The following STIM1 variants were observed in gnomAD, a reference collection of about 807,000 sequenced individuals.
STIM1 encodes stromal interaction molecule 1.
STIM1 carries 25 observed loss-of-function variants against 74.7 expected under a neutral mutation model. The ratio of observed to expected loss-of-function variants is 0.33; its 90% CI spans 0.24 to 0.47. The LOEUF is 0.47. Ranked by LOEUF, STIM1 falls within the 20% of genes least tolerant of loss-of-function variation. The probability of loss-of-function intolerance (pLI) is 1.00; values close to 1 mark genes in which losing one functional copy is unlikely to be tolerated. For missense variants in STIM1, 728 were observed against 920.8 expected (o/e 0.79, Z 2.71); for synonymous variants, 328 against 348.8 (o/e 0.94, Z 0.66).
chr11:3,857,748 G>A (rs7945554), intron 1 of STIM1, among the ~76,000 whole-genome samples: 56,501 of 151,870 alleles, frequency 0.37, 10,653 homozygotes, highest in African/African-American at 0.44. Context: ...ATAGGTCATG[G>A]TGGCTGGGGA....
chr11:3,942,140 G>C (rs2093018640), intron 1 of STIM1, among the ~76,000 whole-genome samples: 1 of 152,156 alleles, frequency 6.6e-6, no homozygotes, highest in South Asian at 2.1e-4. Flanking sequence ...TTTGAAGGTA[G>C]GGTAGAATTT....
chr11:4,044,426 A>C (rs2094174356), intron 3 of STIM1, among the ~76,000 whole-genome samples: 1 of 152,120 alleles, frequency 6.6e-6, no homozygotes, highest in Non-Finnish European at 1.5e-5. Context: ...TTTAACTTTT[A>C]GGTGCTTGAA....
At chr11:4,077,821 C>T (rs11030842) in intron 7 of STIM1, among the ~76,000 whole-genome samples, 53,254 of 152,056 alleles carry the variant, frequency 0.35, 11,321 homozygotes, top group Non-Finnish European at 0.46. Context: ...CCAGTGGGTT[C>T]CTACTCTCAG....
intron 1 of STIM1, among the ~76,000 whole-genome samples, chr11:3,913,303 TC>T: frequency 6.6e-6 from 1 of 151,574 alleles, no homozygotes; most frequent in Non-Finnish European, 1.5e-5. Flanking sequence ...TCCTCCTACC[TC>T]AGCCTCCTGA....
At chr11:4,089,015 T>G in intron 12 of STIM1, 1 of 365,798 alleles carries the variant, frequency 2.7e-6, no homozygotes, top group South Asian at 2.7e-5. Context: ...GAGGACTGCT[T>G]AAGCCCAGGA....
At chr11:3,956,263 G>A (rs2093211402) in intron 1 of STIM1, among the ~76,000 whole-genome samples, 1 of 152,112 alleles carries the variant, frequency 6.6e-6, no homozygotes, top group Non-Finnish European at 1.5e-5. Context: ...ATCTCCTCTG[G>A]GAGAGGCATG....
intron 3 of STIM1, among the ~76,000 whole-genome samples, chr11:4,028,661 C>T (rs1474168775): frequency 3.3e-5 from 5 of 151,976 alleles, no homozygotes; most frequent in East Asian, 1.9e-4. Context: ...CCGCCTGCCT[C>T]GGCCTTCCAA....
intron 2 of STIM1, among the ~76,000 whole-genome samples, chr11:4,015,835 G>A (rs184904961): frequency 4.6e-5 from 7 of 151,942 alleles, no homozygotes; most frequent in African/African-American, 1.7e-4. Context: ...TGATCAAATC[G>A]GCTATTGAAG....
At chr11:3,959,297 GAC>G (rs2093258022) in intron 1 of STIM1, among the ~76,000 whole-genome samples, 1 of 152,230 alleles carries the variant, frequency 6.6e-6, no homozygotes, top group Non-Finnish European at 1.5e-5. Flanking sequence ...ACTGTTTAGT[GAC>G]GAGAAACAGA....
rs2094475655 is a variant in STIM1, at chr11:4,083,424, A to G, written c.1400A>G (p.Asn467Ser). The change falls in exon 10 of 13, where the codon AAC becomes AGC. Residue 467 changes from asparagine to serine, a missense_variant. Asn to Ser is a conservative substitution (Grantham distance 46). Coordinates refer to ENST00000526596, the MANE Select transcript of STIM1 (RefSeq NM_001382567.1). ...AGCTGGATGGGCAGTACACGCCCCA[A>G]CCCTGCTCACTTCATCATGACTGAC... is the stretch of plus-strand genomic sequence containing the variant. ...DPSWMGSTRP[N>S]PAHFIMTDDV... 1.9e-6 allele frequency: 3 copies of G among 1,614,188 alleles called. No individual in the cohort carries two copies. The highest frequency in any genetic ancestry group is 1.7e-6 in the Non-Finnish European group (2 of 1,180,032).
In STIM1 at chr11:4,091,826, G is replaced by C; in HGVS notation, c.*28G>C. ...AGGATGGGGTGGCAGTAAAGGGACA[G>C]CTTGTCCTTCCCTGGGTGTTCTGTC... On this transcript the variant is annotated 3_prime_UTR_variant, in exon 13 of 13. Coordinates refer to ENST00000526596, the MANE Select transcript of STIM1 (RefSeq NM_001382567.1). 6.3e-7 allele frequency: 1 copy of C among 1,599,758 alleles called. No individual in the cohort carries two copies. Among genetic ancestry groups the C allele is most frequent in the Non-Finnish European group, 8.5e-7 (1 of 1,179,894 alleles).
At chr11:3,940,386 G>C (rs186720929) in intron 1 of STIM1, among the ~76,000 whole-genome samples, 1 of 152,224 alleles carries the variant, frequency 6.6e-6, no homozygotes, top group Non-Finnish European at 1.5e-5. Context: ...ATATTTAAAT[G>C]TGGGGAATAG....
chr11:3,897,396 G>T (rs1301985251), intron 1 of STIM1, among the ~76,000 whole-genome samples: 1 of 152,198 alleles, frequency 6.6e-6, no homozygotes, highest in Non-Finnish European at 1.5e-5. Context: ...TGTAATTTTA[G>T]TAGTCCAGGT....
chr11:4,053,712 C>G (rs1434495625), intron 3 of STIM1, among the ~76,000 whole-genome samples: 1 of 151,688 alleles, frequency 6.6e-6, no homozygotes, highest in Non-Finnish European at 1.5e-5. Context: ...CACATGTACC[C>G]TAGAACTTAA....
At chr11:3,903,398 T>C (rs1293354349) in intron 1 of STIM1, 1 of 152,138 alleles carries the variant, frequency 6.6e-6, no homozygotes. Context: ...AGCCACAGGG[T>C]GTTGTAGCAA....
chr11:3,990,984 A>C (rs2093605249), intron 2 of STIM1, among the ~76,000 whole-genome samples: 1 of 152,014 alleles, frequency 6.6e-6, no homozygotes, highest in Non-Finnish European at 1.5e-5. Context: ...TGGAGATCCC[A>C]GTATCTATTG....
intron 1 of STIM1, among the ~76,000 whole-genome samples, chr11:3,915,737 T>C (rs947125849): frequency 3.3e-5 from 5 of 152,080 alleles, no homozygotes; most frequent in Non-Finnish European, 7.4e-5. Flanking sequence ...TCTTTTGTTG[T>C]TGTTGTTTGT....
At chr11:4,013,705 T>C (rs1465645385) in intron 2 of STIM1, among the ~76,000 whole-genome samples, 2 of 126,274 alleles carry the variant, frequency 1.6e-5, no homozygotes, top group East Asian at 2.2e-4. Flanking sequence ...TTTTTTTTTT[T>C]TTTTTTTTTT....
chr11:3,995,324 A>C (rs1171528258), intron 2 of STIM1, among the ~76,000 whole-genome samples: 1 of 151,862 alleles, frequency 6.6e-6, no homozygotes, highest in African/African-American at 2.4e-5. Flanking sequence ...GCTTATTATT[A>C]TTTGCTTGTT....
Sources: gnomAD v4.1 joint callset for allele counts (sites outside exome capture counted in the v4.1 genomes callset) on GRCh38, gnomAD v4.1.1 for gene constraint, MANE v1.5 for transcripts, NCBI Gene and HGNC (gene_info 2026-07-23, HGNC 2026-07-21) for gene names.